MTM1: variants seen among roughly 807,000 people sequenced by gnomAD.
The protein encoded by MTM1 is myotubularin.
In MTM1, 9 loss-of-function variants were observed where a neutral mutation model predicts 52.1. The observed-to-expected ratio is 0.17, with a 90% CI of 0.10 to 0.30. MTM1 has a LOEUF of 0.30. Ranked by LOEUF, MTM1 falls within the 10% of genes least tolerant of loss-of-function variation. The pLI is 1.00. For missense variants in MTM1, 277 were observed against 470.7 expected (o/e 0.59, Z 3.81); for synonymous variants, 136 against 163.8 (o/e 0.83, Z 1.29).
rs192681569 is a variant in MTM1 at position 150,628,881 on chromosome X, G to A, written c.444+9742G>A. 5.5e-3 allele frequency among the ~76,000 whole-genome samples: 598 copies of A among 109,551 alleles called. 3 individuals are homozygous for A. Among genetic ancestry groups the A allele is most frequent in the African/African-American group, 0.019 (573 of 29,981 alleles). ...CTTTTCTTTTAGATGGTGTCTCACT[G>A]TGTTGCCCAGGCTGACCTCAAACTC... On this transcript the variant is annotated intron_variant, in intron 6 of 14. Transcript: ENST00000370396.
At chrX:150,597,514 C>T (rs1158408358) in intron 3 of MTM1, among the ~76,000 whole-genome samples, 1 of 111,771 alleles carries the variant, frequency 8.9e-6, no homozygotes, top group Non-Finnish European at 1.9e-5. Flanking sequence ...GCGCCTGAAC[C>T]TTAACCCAGG....
At position 150,671,640 on chromosome X, in the gene MTM1, G is replaced by A. The variant is rs1389644601; in HGVS notation, c.*45G>A. The stretch of plus-strand genomic sequence containing the variant: ...ATTAGAGCTCGAAATAAAGGCGATA[G>A]CTGACTTTCATTTGGGGCATTTGTA... On this transcript the variant is annotated 3_prime_UTR_variant, in exon 15 of 15. Coordinates refer to ENST00000370396, the MANE Select transcript of MTM1 (RefSeq NM_000252.3). 2 of 1,179,193 alleles carry A rather than the reference G, an allele frequency of 1.7e-6. No homozygotes were observed. The highest frequency in any genetic ancestry group is 2.3e-6 in the Non-Finnish European group (2 of 869,350).
In MTM1 at chrX:150,583,658, T is replaced by A. The variant is rs1187762154; in HGVS notation, c.-10-8947T>A. Among the ~76,000 whole-genome samples the A allele has an allele frequency of 5.2e-5, 2 of 38,472 alleles. 1 individual carries two copies. The highest frequency in any genetic ancestry group is 8.2e-5 in the Non-Finnish European group (2 of 24,459). The allele number at this position is 38,472 out of a possible 115,157, so 33.4% of individuals were successfully genotyped here. A position where few individuals can be genotyped will look rare whatever the true frequency, so the allele number is the denominator to read the frequency against. On this transcript the variant is annotated intron_variant, in intron 1 of 14. Transcript: ENST00000370396. The stretch of plus-strand genomic sequence containing the variant: ...TATATAATATATAATTTATATATAT[T>A]ATATATAATTTATATATAAATAATT...
In MTM1 at chrX:150,663,674, G is replaced by A. The variant is rs1603208610; in HGVS notation, c.1644+65G>A. On this transcript the variant is annotated intron_variant, in intron 14 of 14. Transcript: ENST00000370396. ...TGCTTGCCTTAGATAATGTTATTTG[G>A]TATGGATTTTTTTTAACAGCATGAA... is the stretch of plus-strand genomic sequence containing the variant. 7 of 1,042,866 alleles carry A rather than the reference G, an allele frequency of 6.7e-6. No individual in the cohort carries two copies. In the East Asian group the frequency reaches 1.8e-4, roughly 27 times the overall value. The allele number at this position is 1,042,866 out of a possible 1,213,427, so 85.9% of individuals were successfully genotyped here.
upstream of MTM1, among the ~76,000 whole-genome samples, chrX:150,563,655 G>T (rs1210977301): frequency 9.4e-6 from 1 of 106,776 alleles, no homozygotes; most frequent in Non-Finnish European, 1.9e-5. Flanking sequence ...GGAAGCTGTG[G>T]CAGGTGGATC....
intron 13 of MTM1, among the ~76,000 whole-genome samples, chrX:150,661,020 TTTG>T (rs782486616): frequency 9.0e-6 from 1 of 111,115 alleles, no homozygotes; most frequent in African/African-American, 3.3e-5. Context: ...TTTTTGTTTG[TTTG>T]TTGTTGTTGT....
Position 150,591,711 on chromosome X carries a change from A to G in MTM1, c.-10-894A>G, listed in dbSNP as rs144554379. On this transcript the variant is annotated intron_variant, in intron 1 of 14. Transcript: ENST00000370396. ...CACCAAGGTCTGATTTTTCACAAAA[A>G]TAATTTGCAACCTCCGGCATAAATG... Among the ~76,000 whole-genome samples, 772 of 113,061 alleles carry G rather than the reference A, an allele frequency of 6.8e-3. 3 individuals carry two copies. Among genetic ancestry groups the G allele is most frequent in the Middle Eastern group, 0.014 (3 of 219 alleles).
chrX:150,586,052 A>T (rs2148417157), intron 1 of MTM1, among the ~76,000 whole-genome samples: 1 of 112,320 alleles, frequency 8.9e-6, no homozygotes, highest in African/African-American at 3.2e-5. Flanking sequence ...TTTTAGCCAA[A>T]GGTCTTTGCA....
chrX:150,565,867 G>A (rs1557411213), upstream of MTM1, among the ~76,000 whole-genome samples: 1 of 111,425 alleles, frequency 9.0e-6, no homozygotes, highest in African/African-American at 3.3e-5. Flanking sequence ...GCCTGAGGTC[G>A]CATCTATTGC....
upstream of MTM1, among the ~76,000 whole-genome samples, chrX:150,564,025 C>T (rs1315761136): frequency 1.3e-4 from 14 of 111,907 alleles, no homozygotes; most frequent in African/African-American, 4.6e-4. Flanking sequence ...ACAATCAAGA[C>T]ACAGAACATT....
At chrX:150,579,364 A>G (rs903011602) in intron 1 of MTM1, among the ~76,000 whole-genome samples, 5 of 111,018 alleles carry the variant, frequency 4.5e-5, no homozygotes, top group South Asian at 3.7e-4. Flanking sequence ...CAAGCATGCA[A>G]TATTTCTCCA....
chrX:150,658,961 C>A (rs2040174257), intron 11 of MTM1, among the ~76,000 whole-genome samples: 1 of 112,271 alleles, frequency 8.9e-6, no homozygotes, highest in African/African-American at 3.2e-5. Flanking sequence ...TCAAGCGATT[C>A]TTCTGCCTCA....
At position 150,671,517 on chromosome X, in the gene MTM1, C is replaced by T; in HGVS notation, c.1734C>T (p.Asn578=). 1 of 1,211,386 alleles carries T rather than the reference C, an allele frequency of 8.3e-7. No individual in the cohort carries two copies. The highest frequency in any genetic ancestry group is 1.8e-5 in the South Asian group (1 of 56,964). The change falls in exon 15 of 15, where the codon AAC becomes AAT. Residue 578 remains asparagine, a synonymous_variant. Transcript: ENST00000370396. ...IKRLEELQLA[N]SAKLSDPPTS... is the part of the protein sequence containing the mutation. ...GGCTTGAGGAACTGCAGCTCGCCAACTCTGCCAAGCTTTCTGATCCCCCAA... is the reference window on the plus strand; with the variant it reads ...GGCTTGAGGAACTGCAGCTCGCCAATTCTGCCAAGCTTTCTGATCCCCCAA...
At chrX:150,596,668 A>C (rs2148431022) in intron 3 of MTM1, 98 bp downstream of exon 3, 1 of 635,505 alleles carries the variant, frequency 1.6e-6, no homozygotes, top group East Asian at 3.3e-5. Context: ...TCAGGCTTAG[A>C]CAAATAGGCT....
At chrX:150,620,738 A>G (rs943860320) in intron 6 of MTM1, among the ~76,000 whole-genome samples, 7 of 111,907 alleles carry the variant, frequency 6.3e-5, no homozygotes, top group Admixed American at 5.7e-4. Flanking sequence ...ACTGCTATGT[A>G]GATGACTTCT....
At position 150,645,657 on chromosome X, in the gene MTM1, GCTTAAA is replaced by G. The variant is rs782628057; in HGVS notation, c.679-22_679-17del. ...TGCTTGGAGATTTGCTTTCTTGATA[GCTTAAA>G]CTTTCTGACTTAACCATAGGTGCTG... On this transcript the variant is annotated intron_variant, in intron 8 of 14. Coordinates refer to ENST00000370396, the MANE Select transcript of MTM1 (RefSeq NM_000252.3). The G allele has an allele frequency of 5.0e-6, 6 of 1,199,247 alleles. No individual in the cohort carries two copies. In the African/African-American group the frequency reaches 1.0e-4, roughly 21 times the overall value.
chrX:150,659,823 T>A, intron 12 of MTM1, 67 bp downstream of exon 12: 2 of 944,379 alleles, frequency 2.1e-6, no homozygotes, highest in Non-Finnish European at 3.0e-6. Flanking sequence ...AATATAATGA[T>A]TGGGATTTGA....
upstream of MTM1, among the ~76,000 whole-genome samples, chrX:150,566,450 C>T: frequency 9.0e-6 from 1 of 111,692 alleles, no homozygotes; most frequent in East Asian, 2.8e-4. Flanking sequence ...TAGTGTACAA[C>T]CTTTACAGTT....
intron 8 of MTM1, 116 bp downstream of exon 8, chrX:150,641,534 A>G: frequency 2.2e-6 from 2 of 914,202 alleles, no homozygotes; most frequent in South Asian, 4.2e-5. Context: ...ATACTTACTA[A>G]GTGCTTTGTG....
Sources: allele counts gnomAD v4.1 joint callset (sites outside exome capture counted in the v4.1 genomes callset), GRCh38; gene constraint gnomAD v4.1.1; transcripts MANE v1.5; gene names NCBI Gene and HGNC (gene_info 2026-07-23, HGNC 2026-07-21).